Variants in EIF4E3 observed in about 807,000 individuals in gnomAD.
EIF4E3 encodes the protein eukaryotic translation initiation factor 4E type 3.
EIF4E3 carries 26 observed loss-of-function variants against 31.7 expected under a neutral mutation model. That is an observed-to-expected ratio of 0.82 (90% confidence interval 0.60 to 1.14). EIF4E3 has a LOEUF of 1.14. Ranked by LOEUF, EIF4E3 falls within the 50% of genes most tolerant of loss-of-function variation. EIF4E3 has a pLI of 0.00. For missense variants in EIF4E3, 304 were observed against 270.9 expected (o/e 1.12, Z -0.86); for synonymous variants, 128 against 107.7 (o/e 1.19, Z -1.17).
intron 3 of EIF4E3, 119 bp downstream of exon 3, chr3:71,699,495 G>T: frequency 1.1e-6 from 1 of 888,432 alleles, no homozygotes; most frequent in Non-Finnish European, 1.8e-6. Context: ...GCCATGATTG[G>T]TATCACAGAC....
chr3:71,664,306 G>A, the EIF4E3 span, among the ~76,000 whole-genome samples: 4 of 152,080 alleles, frequency 2.6e-5, no homozygotes, highest in Non-Finnish European at 5.9e-5. Flanking sequence ...GATTTAGGCA[G>A]CATGCCTAAG....
At chr3:71,730,299 T>C (rs1359298906), upstream of EIF4E3, among the ~76,000 whole-genome samples, 1 of 152,190 alleles carries the variant, frequency 6.6e-6, no homozygotes, top group African/African-American at 2.4e-5. Flanking sequence ...TCTGGGAAGT[T>C]ATTAACCTTG....
intron 4 of EIF4E3, among the ~76,000 whole-genome samples, chr3:71,694,257 A>G (rs1246015818): frequency 6.6e-6 from 1 of 152,218 alleles, no homozygotes; most frequent in East Asian, 1.9e-4. Flanking sequence ...AAACTTTCAA[A>G]TTTCTTTACC....
chr3:71,699,403 G>A (rs2049183586), intron 3 of EIF4E3, among the ~76,000 whole-genome samples: 1 of 152,186 alleles, frequency 6.6e-6, no homozygotes, highest in South Asian at 2.1e-4. Flanking sequence ...TGGGACTCCA[G>A]CCTGGGCAAA....
intron 1 of EIF4E3, among the ~76,000 whole-genome samples, chr3:71,733,505 A>ATC (rs1196361431): frequency 2.0e-5 from 3 of 152,200 alleles, no homozygotes; most frequent in African/African-American, 7.2e-5. Flanking sequence ...GACATAAGAA[A>ATC]TCTTGATACA....
rs1488899072 is a variant in EIF4E3, at chr3:71,679,162, CATGTA to C, written c.*5515_*5519del. The C allele has an allele frequency of 7.2e-5, 11 of 152,230 alleles. No homozygotes were observed. Among genetic ancestry groups the C allele is most frequent in the South Asian group, 2.1e-4 (1 of 4,824 alleles). 9.4% of individuals were successfully genotyped at this position (152,230 alleles called of 1,614,324 possible). A position where few individuals can be genotyped will look rare whatever the true frequency, so the allele number is the denominator to read the frequency against. ...AAGTCCTTTAATATTCACCATTCAT[CATGTA>C]ATGTAAAGTGCTAAAATTAAAATTT... On this transcript the variant is annotated 3_prime_UTR_variant, in exon 7 of 7. Transcript: ENST00000425534.
chr3:71,679,761 G>C lies in EIF4E3; in HGVS notation c.*4921C>G, dbSNP rs980027535. 4 of 152,146 alleles carry C rather than the reference G, an allele frequency of 2.6e-5. No individual in the cohort carries two copies. Among genetic ancestry groups the C allele is most frequent in the African/African-American group, 9.7e-5 (4 of 41,436 alleles). The allele number at this position is 152,146 out of a possible 1,614,324, so 9.4% of individuals were successfully genotyped here. On this transcript the variant is annotated 3_prime_UTR_variant, in exon 7 of 7. Transcript: ENST00000425534. The stretch of plus-strand genomic sequence containing the variant: ...CTTTGCTAAGCTACGTTTTGAAAGT[G>C]ACAATTAATTTTAGTGGAAATTCAT...
In EIF4E3 at chr3:71,679,177, G is replaced by A. The variant is rs2048896040; in HGVS notation, c.*5505C>T. 6.6e-6 allele frequency: 1 copy of A among 152,064 alleles called. No individual in the cohort carries two copies. 9.4% of individuals were successfully genotyped at this position (152,064 alleles called of 1,614,324 possible). ...CACCATTCATCATGTAATGTAAAGT[G>A]CTAAAATTAAAATTTTCACCCTAAG... On this transcript the variant is annotated 3_prime_UTR_variant, in exon 7 of 7. Coordinates refer to ENST00000425534, the MANE Select transcript of EIF4E3 (RefSeq NM_001134651.2).
intron 1 of EIF4E3, among the ~76,000 whole-genome samples, chr3:71,730,495 C>A (rs1459397683): frequency 6.6e-6 from 1 of 152,168 alleles, no homozygotes; most frequent in Non-Finnish European, 1.5e-5. Flanking sequence ...CCAGGCCAGG[C>A]CTCTCTTGTT....
chr3:71,673,045 G>T (rs1342680435), downstream of EIF4E3, among the ~76,000 whole-genome samples: 1 of 152,180 alleles, frequency 6.6e-6, no homozygotes, highest in Admixed American at 6.5e-5. Flanking sequence ...TGAATAATCG[G>T]AAGGGGTCTC....
At chr3:71,754,246 T>TGC, upstream of EIF4E3, 1 of 1,287,038 alleles carries the variant, frequency 7.8e-7, no homozygotes, top group Non-Finnish European at 1.0e-6. This position sits in a 1 kb window ranked among gnomAD's most constrained non-coding sequence, Gnocchi z 5.8. Flanking sequence ...GCCGACGGGC[T>TGC]GCGCGCGCTC....
At chr3:71,709,162 A>G (rs778695717) in intron 2 of EIF4E3, among the ~76,000 whole-genome samples, 3 of 152,178 alleles carry the variant, frequency 2.0e-5, no homozygotes, top group Admixed American at 2.0e-4. Context: ...ATGCAGATCT[A>G]TTGGAATTTC....
At chr3:71,694,154 C>T (rs2049102168) in intron 4 of EIF4E3, among the ~76,000 whole-genome samples, 1 of 152,182 alleles carries the variant, frequency 6.6e-6, no homozygotes, top group Admixed American at 6.5e-5. Context: ...TACACAGATA[C>T]AAGTGAGCCA....
chr3:71,725,809 G>A (rs1253763482), upstream of EIF4E3, among the ~76,000 whole-genome samples: 5 of 152,086 alleles, frequency 3.3e-5, no homozygotes, highest in Admixed American at 3.3e-4. This position sits in a 1 kb window ranked among gnomAD's most constrained non-coding sequence, Gnocchi z 6.1. Flanking sequence ...AGGGGATGGA[G>A]CCCCAGACCC....
chr3:71,725,386 A>C lies in EIF4E3; in HGVS notation c.-19T>G. Reference sequence around the variant, plus strand: ...GCGCCATTTTCTCCGCCCCGCCTGCAAGGCCGGCGGACGCGCGGACCGCGG... The same window carrying C: ...GCGCCATTTTCTCCGCCCCGCCTGCCAGGCCGGCGGACGCGCGGACCGCGG... On this transcript the variant is annotated 5_prime_UTR_variant, in exon 1 of 7. Coordinates refer to ENST00000425534, the MANE Select transcript of EIF4E3 (RefSeq NM_001134651.2). This position sits in a 1 kb window ranked among gnomAD's most constrained non-coding sequence, Gnocchi z 6.1. The C allele has an allele frequency of 4.1e-6, 4 of 974,664 alleles. No individual in the cohort carries two copies. The highest frequency in any genetic ancestry group is 4.8e-6 in the Non-Finnish European group (4 of 825,318). 60.4% of individuals were successfully genotyped at this position (974,664 alleles called of 1,614,324 possible).
Position 71,684,520 on chromosome 3 carries a change from C to G in EIF4E3, c.*162G>C, listed in dbSNP as rs2108006198. The G allele has an allele frequency of 1.7e-6, 1 of 605,208 alleles. No individual in the cohort carries two copies. The highest frequency in any genetic ancestry group is 3.0e-5 in the East Asian group (1 of 33,212). The allele number at this position is 605,208 out of a possible 1,614,324, so 37.5% of individuals were successfully genotyped here. A position where few individuals can be genotyped will look rare whatever the true frequency, so the allele number is the denominator to read the frequency against. ...AGAAACCCACACAATCTCCCCCCAC[C>G]CCACCTGCCACTTTGAGTCCTAATT... On this transcript the variant is annotated 3_prime_UTR_variant, in exon 7 of 7. Coordinates refer to ENST00000425534, the MANE Select transcript of EIF4E3 (RefSeq NM_001134651.2).
At chr3:71,718,371 T>C (rs1023326737) in intron 1 of EIF4E3, among the ~76,000 whole-genome samples, 2 of 152,220 alleles carry the variant, frequency 1.3e-5, no homozygotes, top group East Asian at 3.8e-4. Context: ...AATATATACA[T>C]CATTTAAAGG....
intron 1 of EIF4E3, among the ~76,000 whole-genome samples, chr3:71,742,146 A>C (rs192507711): frequency 5.3e-5 from 8 of 152,292 alleles, no homozygotes; most frequent in Admixed American, 5.2e-4. Context: ...GAGATAATAA[A>C]TATCAGAGCA....
chr3:71,673,952 A>C (rs1333600101), downstream of EIF4E3, among the ~76,000 whole-genome samples: 1 of 147,948 alleles, frequency 6.8e-6, no homozygotes, highest in African/African-American at 2.5e-5. Flanking sequence ...TATGCACATC[A>C]TACAGGGAAC....
Sources: allele counts gnomAD v4.1 joint callset (sites outside exome capture counted in the v4.1 genomes callset), GRCh38; gene constraint gnomAD v4.1.1; non-coding constraint Gnocchi (gnomAD v3.1); transcripts MANE v1.5; gene names NCBI Gene and HGNC (gene_info 2026-07-23, HGNC 2026-07-21).